GOLGA3: variants seen among roughly 807,000 people sequenced by gnomAD.
The protein encoded by GOLGA3 is golgin subfamily A member 3.
Under a neutral mutation model 169.4 loss-of-function variants are expected in GOLGA3, and 75 were observed. The observed-to-expected ratio is 0.44, with a 90% CI of 0.37 to 0.54. The LOEUF (loss-of-function observed/expected upper bound fraction) is 0.54, where lower values mean the gene tolerates loss of function less well. Among genes scored for constraint, GOLGA3 ranks in the 20% least tolerant of loss-of-function variants. GOLGA3 has a pLI of 0.00. For missense variants in GOLGA3, 1,899 were observed against 1,930.0 expected (o/e 0.98, Z 0.30); for synonymous variants, 824 against 822.4 (o/e 1.00, Z -0.03).
chr12:132,828,569 C>T (rs969497344), intron 1 of GOLGA3: 10 of 152,318 alleles, frequency 6.6e-5, no homozygotes, highest in African/African-American at 2.2e-4. Context: ...TTCAGGAGGG[C>T]TCGCGGGCAC....
chr12:132,783,293 T>C (rs1056493185), intron 16 of GOLGA3, among the ~76,000 whole-genome samples: 2 of 149,778 alleles, frequency 1.3e-5, no homozygotes, highest in South Asian at 2.1e-4. Flanking sequence ...TCATGGTCAG[T>C]TGCTTCCCCA....
At chr12:132,783,211 A>ACAACCCTGCG (rs2045702989) in intron 16 of GOLGA3, among the ~76,000 whole-genome samples, 3 of 150,866 alleles carry the variant, frequency 2.0e-5, no homozygotes, top group Middle Eastern at 3.2e-3. Context: ...AACAAAGAAC[A>ACAACCCTGCG]ATGGACACCA....
intron 4 of GOLGA3, among the ~76,000 whole-genome samples, chr12:132,810,949 T>C (rs906706146): frequency 1.3e-5 from 2 of 152,160 alleles, no homozygotes; most frequent in Admixed American, 1.3e-4. Context: ...GTAGCAAAAT[T>C]AGTGAAAGTA....
intron 16 of GOLGA3, chr12:132,783,959 T>C (rs151318138): frequency 2.7e-6 from 4 of 1,456,550 alleles, no homozygotes; most frequent in South Asian, 1.4e-5. Flanking sequence ...CCAAAGAGGC[T>C]GTACAGTGAT....
rs2044914687 is a variant in GOLGA3, at chr12:132,771,958, C to G, written c.*1147G>C. On this transcript the variant is annotated 3_prime_UTR_variant, in exon 24 of 24. Transcript: ENST00000450791. ...ATGGCCGTCAGGCCTGACCAAGGGT[C>G]CAAGCTGCCCCTTCCCAGTGGCCAG... 6.6e-6 allele frequency: 1 copy of G among 152,294 alleles called. No homozygotes were observed. Among genetic ancestry groups the G allele is most frequent in the Non-Finnish European group, 1.5e-5 (1 of 68,090 alleles). 9.4% of individuals were successfully genotyped at this position (152,294 alleles called of 1,614,324 possible).
chr12:132,785,536 C>T (rs1193286517), intron 15 of GOLGA3, among the ~76,000 whole-genome samples: 2 of 152,138 alleles, frequency 1.3e-5, no homozygotes, highest in Non-Finnish European at 2.9e-5. Flanking sequence ...TGGTCTCAAA[C>T]TCCTGTGCTC....
chr12:132,783,864 C>CTAG (rs2045752488), intron 16 of GOLGA3: 1 of 1,420,164 alleles, frequency 7.0e-7, no homozygotes, highest in Non-Finnish European at 9.2e-7. Context: ...GCATGAGCCA[C>CTAG]TCGCCTGGCG....
intron 23 of GOLGA3, among the ~76,000 whole-genome samples, chr12:132,773,867 T>A (rs868263745): frequency 8.1e-6 from 1 of 122,726 alleles, no homozygotes; most frequent in African/African-American, 3.2e-5. Flanking sequence ...CCGCAGAGGC[T>A]GTGAGTCCCT....
In GOLGA3 at chr12:132,789,155, G is replaced by C; in HGVS notation, c.2683C>G (p.Arg895Gly). ...QELMQVHGEKRTAEAELSRLH... is the reference protein window; with the variant it reads ...QELMQVHGEKGTAEAELSRLH... ...CGCGAGAGCTCCGCCTCGGCAGTCCGCTTCTCCCCGTGCACTTGCATCAGC... is the reference window on the plus strand; with the variant it reads ...CGCGAGAGCTCCGCCTCGGCAGTCCCCTTCTCCCCGTGCACTTGCATCAGC... Residue 895 changes from arginine to glycine, a missense_variant, in exon 13 of 24, where the codon CGG (arginine) becomes GGG (glycine). Physicochemically the swap from Arg to Gly is moderately radical, Grantham distance 125 (BLOSUM62 -2). Transcript: ENST00000450791. The C allele has an allele frequency of 6.2e-7, 1 of 1,612,396 alleles. No homozygotes were observed.
chr12:132,798,362 G>A lies in GOLGA3; in HGVS notation c.1916C>T (p.Ala639Val), dbSNP rs201150617. 1.6e-4 allele frequency: 263 copies of A among 1,612,588 alleles called. No individual in the cohort carries two copies. The highest frequency in any genetic ancestry group is 2.0e-4 in the Non-Finnish European group (236 of 1,179,616). Reference sequence around the variant, plus strand: ...CACCTCAATGCCCTGCAGCTGTGCCGCGATGCGCCCCTTCTCCTTCATGGA... The same window carrying A: ...CACCTCAATGCCCTGCAGCTGTGCCACGATGCGCCCCTTCTCCTTCATGGA... ...HRSMKEKGRI[A>V]AQLQGIEADM... The change falls in exon 9 of 24, where the codon GCG becomes GTG. Residue 639 changes from alanine (A) to valine (V), a missense_variant. Ala to Val is a moderately conservative substitution (Grantham distance 64, BLOSUM62 0). Coordinates refer to ENST00000450791, the MANE Select transcript of GOLGA3 (RefSeq NM_001389683.1).
intron 22 of GOLGA3, chr12:132,774,910 A>G (rs1332771169): frequency 5.3e-6 from 3 of 565,696 alleles, no homozygotes; most frequent in Non-Finnish European, 9.3e-6. Context: ...AAAGCACATT[A>G]CAACAAAGTG....
intron 4 of GOLGA3, among the ~76,000 whole-genome samples, chr12:132,810,451 T>C (rs950018007): frequency 3.3e-5 from 5 of 152,168 alleles, no homozygotes; most frequent in Non-Finnish European, 7.3e-5. Flanking sequence ...CAGATATAGA[T>C]CTTAGATATG....
intron 12 of GOLGA3, among the ~76,000 whole-genome samples, chr12:132,790,869 G>T (rs929590473): frequency 6.6e-6 from 1 of 151,870 alleles, no homozygotes; most frequent in Non-Finnish European, 1.5e-5. Context: ...CTAACACGGA[G>T]AAACCCCATC....
chr12:132,777,825 G>C lies in GOLGA3; in HGVS notation c.3583-20C>G, dbSNP rs765841270. ...AGCCACCTAGGAGGAAGGAAGCCAC[G>C]TTGTCCATGCCCTGCGTGACACCCA... On this transcript the variant is annotated intron_variant, in intron 18 of 23. Transcript: ENST00000450791. The surrounding 1 kb of genome is among the most constrained non-coding windows in gnomAD (Gnocchi z 4.7). 1.9e-6 allele frequency: 3 copies of C among 1,612,694 alleles called. No homozygotes were observed. The highest frequency in any genetic ancestry group is 2.5e-6 in the Non-Finnish European group (3 of 1,179,508).
At position 132,796,796 on chromosome 12, in the gene GOLGA3, G is replaced by C. The variant is rs965852458; in HGVS notation, c.1939-96C>G. Reference sequence around the variant, plus strand: ...CTCTGCAGAGAAACCCACCGCCCTGGCATGGGCCCCATCCACCTCCTCATC... The same window carrying C: ...CTCTGCAGAGAAACCCACCGCCCTGCCATGGGCCCCATCCACCTCCTCATC... On this transcript the variant is annotated intron_variant, in intron 9 of 23. Coordinates refer to ENST00000450791, the MANE Select transcript of GOLGA3 (RefSeq NM_001389683.1). The C allele has an allele frequency of 1.0e-5, 12 of 1,204,812 alleles. No individual in the cohort carries two copies. The East Asian group carries it at 2.6e-4, about 26-fold the overall frequency. The allele number at this position is 1,204,812 out of a possible 1,614,324, so 74.6% of individuals were successfully genotyped here. A position where few individuals can be genotyped will look rare whatever the true frequency, so the allele number is the denominator to read the frequency against.
At chr12:132,826,712 C>A (rs931284840) in intron 1 of GOLGA3, among the ~76,000 whole-genome samples, 3 of 152,126 alleles carry the variant, frequency 2.0e-5, no homozygotes, top group African/African-American at 7.2e-5. Context: ...GACAGTGATA[C>A]TTCTCCCTGT....
chr12:132,782,151 G>A (rs1380018583), intron 17 of GOLGA3, 145 bp downstream of exon 17: 7 of 775,528 alleles, frequency 9.0e-6, no homozygotes, highest in African/African-American at 3.4e-5. Flanking sequence ...TGGGTCACCC[G>A]GACTCCTGAG....
chr12:132,806,870 T>C (rs958340828), intron 6 of GOLGA3, among the ~76,000 whole-genome samples: 2 of 152,110 alleles, frequency 1.3e-5, no homozygotes, highest in Non-Finnish European at 2.9e-5. Context: ...AGGTTCACCA[T>C]GCCAGAAAAA....
intron 1 of GOLGA3, chr12:132,826,092 G>T: frequency 2.0e-6 from 3 of 1,472,206 alleles, no homozygotes; most frequent in Non-Finnish European, 2.9e-6. Context: ...GTGGGCGAGT[G>T]CCGGCCTTGC....
Sources: gnomAD v4.1 joint callset for allele counts (sites outside exome capture counted in the v4.1 genomes callset) on GRCh38, gnomAD v4.1.1 for gene constraint, Gnocchi (gnomAD v3.1) non-coding constraint, MANE v1.5 for transcripts, NCBI Gene and HGNC (gene_info 2026-07-23, HGNC 2026-07-21) for gene names.